The following SLC39A11 variants were observed in gnomAD, a reference collection of about 807,000 sequenced individuals.
SLC39A11 encodes solute carrier family 39 member 11, also known as zinc transporter ZIP11.
A neutral mutation model predicts 36.1 loss-of-function variants in SLC39A11; 33 were observed. The observed-to-expected ratio is 0.91, with a 90% CI of 0.69 to 1.22. SLC39A11 has a LOEUF of 1.22. Among genes scored for constraint, SLC39A11 ranks in the 50% most tolerant of loss-of-function variants. The probability of loss-of-function intolerance (pLI) is 0.00; values close to 1 mark genes in which losing one functional copy is unlikely to be tolerated. For missense variants in SLC39A11, 432 were observed against 430.3 expected (o/e 1.00, Z -0.03); for synonymous variants, 166 against 170.3 (o/e 0.97, Z 0.20).
At chr17:72,814,096 G>A (rs969089574) in intron 6 of SLC39A11, among the ~76,000 whole-genome samples, 3 of 152,108 alleles carry the variant, frequency 2.0e-5, no homozygotes, top group Admixed American at 6.6e-5. Flanking sequence ...AGCCACATGC[G>A]GCTTTTTACA....
At chr17:72,839,947 T>C (rs1293286140) in intron 6 of SLC39A11, among the ~76,000 whole-genome samples, 2 of 152,244 alleles carry the variant, frequency 1.3e-5, no homozygotes, top group Non-Finnish European at 2.9e-5. Flanking sequence ...AGGCAAGAAT[T>C]TCACCTTTCC....
chr17:72,777,869 A>ATACG (rs148162694), intron 6 of SLC39A11, among the ~76,000 whole-genome samples: 1 of 149,956 alleles, frequency 6.7e-6, no homozygotes, highest in Admixed American at 6.7e-5. Flanking sequence ...ATGTATGTAT[A>ATACG]TATGTATGTA....
chr17:72,795,664 T>C (rs1568105898), intron 6 of SLC39A11, among the ~76,000 whole-genome samples: 1 of 152,266 alleles, frequency 6.6e-6, no homozygotes, highest in East Asian at 1.9e-4. Context: ...GGACATATTA[T>C]TAAAACCACC....
At chr17:73,072,155 C>T (rs1021014108) in intron 3 of SLC39A11, 10 of 152,204 alleles carry the variant, frequency 6.6e-5, no homozygotes, top group African/African-American at 1.4e-4. Flanking sequence ...TACTCATTCC[C>T]GCCCTCTCCT....
At chr17:72,852,164 G>C (rs1367716591) in intron 5 of SLC39A11, among the ~76,000 whole-genome samples, 14 of 128,290 alleles carry the variant, frequency 1.1e-4, no homozygotes, top group African/African-American at 4.1e-4. Context: ...GAGATCCCGC[G>C]GCTGCACTCC....
chr17:73,039,766 A>G (rs2059048905), intron 3 of SLC39A11, among the ~76,000 whole-genome samples: 2 of 152,222 alleles, frequency 1.3e-5, no homozygotes, highest in African/African-American at 4.8e-5. Context: ...TACTGATAGA[A>G]TCACAGACTC....
At chr17:72,717,647 C>G (rs2073464112) in intron 7 of SLC39A11, among the ~76,000 whole-genome samples, 1 of 152,234 alleles carries the variant, frequency 6.6e-6, no homozygotes, top group African/African-American at 2.4e-5. Context: ...TAGGCCCACC[C>G]TAATCCAGTA....
chr17:73,055,960 C>T (rs1484949810), intron 3 of SLC39A11, among the ~76,000 whole-genome samples: 2 of 152,108 alleles, frequency 1.3e-5, no homozygotes, highest in African/African-American at 4.8e-5. Context: ...ATTTTTGAAT[C>T]GTAAATAAAG....
At chr17:73,066,477 G>A (rs1316378084) in intron 3 of SLC39A11, among the ~76,000 whole-genome samples, 1 of 152,082 alleles carries the variant, frequency 6.6e-6, no homozygotes, top group Non-Finnish European at 1.5e-5. Flanking sequence ...ACACCTCCTT[G>A]GCAAAAACAC....
chr17:73,041,373 C>T (rs1404900920), intron 3 of SLC39A11, among the ~76,000 whole-genome samples: 1 of 152,212 alleles, frequency 6.6e-6, no homozygotes, highest in African/African-American at 2.4e-5. Context: ...AAGGAAGGTG[C>T]TTCATCCCAC....
At chr17:72,798,978 G>A (rs1203492178) in intron 6 of SLC39A11, among the ~76,000 whole-genome samples, 2 of 151,398 alleles carry the variant, frequency 1.3e-5, no homozygotes, top group Non-Finnish European at 2.9e-5. Context: ...CCAAAGATAG[G>A]GAGAAGAAGA....
intron 7 of SLC39A11, among the ~76,000 whole-genome samples, chr17:72,730,026 CTG>C (rs1394785363): frequency 1.7e-4 from 26 of 152,224 alleles, no homozygotes; most frequent in African/African-American, 6.3e-4. Context: ...CTGACTCTCT[CTG>C]TGGCAGAGCA....
At chr17:72,720,152 A>C (rs1490072271) in intron 7 of SLC39A11, among the ~76,000 whole-genome samples, 1 of 152,166 alleles carries the variant, frequency 6.6e-6, no homozygotes, top group South Asian at 2.1e-4. Flanking sequence ...CAGGGAGGAC[A>C]CAGGAGAGAG....
At chr17:72,942,236 G>A (rs1322937855) in intron 5 of SLC39A11, among the ~76,000 whole-genome samples, 1 of 152,036 alleles carries the variant, frequency 6.6e-6, no homozygotes, top group Admixed American at 6.6e-5. Flanking sequence ...AAAGGAGGTA[G>A]CAGCCAGGGC....
intron 7 of SLC39A11, among the ~76,000 whole-genome samples, chr17:72,687,626 TTGAAAACCATTGC>T (rs2071820673): frequency 1.3e-5 from 2 of 152,122 alleles, no homozygotes; most frequent in Non-Finnish European, 2.9e-5. Context: ...GGGAGGCTGT[TTGAAAACCATTGC>T]TGAAAATACA....
intron 6 of SLC39A11, among the ~76,000 whole-genome samples, chr17:72,841,990 T>C (rs532505054): frequency 5.3e-5 from 8 of 151,992 alleles, no homozygotes; most frequent in South Asian, 2.1e-4. Flanking sequence ...GAGGATCAAC[T>C]GAGCCCAAGG....
intron 3 of SLC39A11, among the ~76,000 whole-genome samples, chr17:73,045,302 C>G (rs1486589719): frequency 1.4e-5 from 2 of 142,094 alleles, no homozygotes; most frequent in Non-Finnish European, 3.0e-5. Context: ...TTCCATACAG[C>G]AAGGCAACCA....
At chr17:72,897,660 A>G (rs1054542733) in intron 5 of SLC39A11, among the ~76,000 whole-genome samples, 1 of 152,222 alleles carries the variant, frequency 6.6e-6, no homozygotes. Context: ...CTCATAAGCG[A>G]CAGCATAGTG....
chr17:72,669,314 T>C (rs1274601100), intron 7 of SLC39A11, among the ~76,000 whole-genome samples: 1 of 152,182 alleles, frequency 6.6e-6, no homozygotes, highest in East Asian at 1.9e-4. Flanking sequence ...CCTGACATCC[T>C]TTTGCTATTT....
Sources: allele counts gnomAD v4.1 joint callset (sites outside exome capture counted in the v4.1 genomes callset), GRCh38; gene constraint gnomAD v4.1.1; transcripts MANE v1.5; gene names NCBI Gene and HGNC (gene_info 2026-07-23, HGNC 2026-07-21).